Variants in STK39 observed in about 807,000 individuals in gnomAD.
STK39 encodes the protein STE20/SPS1-related proline-alanine-rich protein kinase.
In STK39, 20 loss-of-function variants were observed where a neutral mutation model predicts 77.8. That is an observed-to-expected ratio of 0.26 (90% confidence interval 0.18 to 0.37). The LOEUF is 0.37. Among genes scored for constraint, STK39 ranks in the 10% least tolerant of loss-of-function variants. STK39 has a pLI of 1.00. For synonymous variants in STK39, 246 were observed against 234.1 expected, an observed-to-expected ratio of 1.05 and a Z score of -0.47; for missense variants, 479 against 656.5, an observed-to-expected ratio of 0.73 and a Z score of 2.95.
intron 10 of STK39, among the ~76,000 whole-genome samples, chr2:168,086,894 AT>A (rs1686381898): frequency 6.6e-6 from 1 of 152,224 alleles, no homozygotes; most frequent in African/African-American, 2.4e-5. Context: ...CATCAGTCCT[AT>A]CAAACCTCCA....
chr2:167,965,081 C>T (rs1465517545), intron 16 of STK39, among the ~76,000 whole-genome samples: 2 of 151,290 alleles, frequency 1.3e-5, no homozygotes, highest in African/African-American at 4.9e-5. Context: ...AATTTATTAG[C>T]CAGGAGAGGG....
intron 2 of STK39, among the ~76,000 whole-genome samples, chr2:168,167,652 C>A (rs1234318405): frequency 6.6e-6 from 1 of 152,222 alleles, no homozygotes; most frequent in African/African-American, 2.4e-5. Context: ...GACACAGGAA[C>A]TTCAGATCAC....
chr2:168,003,488 A>G (rs1377693989), intron 16 of STK39, among the ~76,000 whole-genome samples: 1 of 151,600 alleles, frequency 6.6e-6, no homozygotes, highest in South Asian at 2.1e-4. Context: ...TTTTTTTTAA[A>G]GAAAGAAAAG....
At chr2:168,133,408 G>A (rs73019446) in intron 8 of STK39, among the ~76,000 whole-genome samples, 2,272 of 152,284 alleles carry the variant, frequency 0.015, 47 homozygotes, top group African/African-American at 0.052. Context: ...TAATTGTTAA[G>A]TAATAGGTAA....
chr2:168,114,440 C>G (rs1252166888), intron 10 of STK39, among the ~76,000 whole-genome samples: 2 of 152,166 alleles, frequency 1.3e-5, no homozygotes, highest in Non-Finnish European at 2.9e-5. Flanking sequence ...TTTAGAATCT[C>G]TGTTATAATC....
chr2:168,095,540 A>G (rs1283590984), intron 10 of STK39, among the ~76,000 whole-genome samples: 5 of 151,808 alleles, frequency 3.3e-5, no homozygotes, highest in African/African-American at 1.2e-4. Flanking sequence ...ATTGAAGGGG[A>G]AAAAAAGGAA....
chr2:168,118,602 CAAAAAAA>C (rs35533319), intron 10 of STK39, among the ~76,000 whole-genome samples: 1 of 119,348 alleles, frequency 8.4e-6, no homozygotes, highest in Non-Finnish European at 1.7e-5. Flanking sequence ...CATATGCTTT[CAAAAAAA>C]AAAAAAAAAA....
chr2:168,058,723 C>T (rs994634960), intron 14 of STK39, among the ~76,000 whole-genome samples: 1 of 152,168 alleles, frequency 6.6e-6, no homozygotes, highest in Admixed American at 6.5e-5. Context: ...ATCTGGAATC[C>T]AATAATTGCT....
chr2:168,137,799 T>G lies in STK39; in HGVS notation c.974+289A>C, dbSNP rs561710823. 5.4e-4 allele frequency among the ~76,000 whole-genome samples: 82 copies of G among 152,312 alleles called. 1 individual carries two copies. Among genetic ancestry groups the G allele is most frequent in the Non-Finnish European group, 9.6e-4 (65 of 68,026 alleles). ...TGCAGCACTGCCAATTTCTTTTGAT[T>G]TCTGTTTTACTTCATTTCCTTTGAT... On this transcript the variant is annotated intron_variant, in intron 8 of 17. Transcript: ENST00000355999.
intron 10 of STK39, among the ~76,000 whole-genome samples, chr2:168,091,985 C>T (rs1686538400): frequency 6.6e-6 from 1 of 152,138 alleles, no homozygotes; most frequent in Non-Finnish European, 1.5e-5. Context: ...CAATTTTGTC[C>T]TACTGTCTCA....
intron 14 of STK39, among the ~76,000 whole-genome samples, chr2:168,035,237 A>G (rs1449958685): frequency 6.6e-6 from 1 of 152,214 alleles, no homozygotes; most frequent in Non-Finnish European, 1.5e-5. Context: ...CTTGGGACAT[A>G]AAAGATGATT....
intron 10 of STK39, among the ~76,000 whole-genome samples, chr2:168,093,309 G>A (rs2105437510): frequency 6.6e-6 from 1 of 152,328 alleles, no homozygotes; most frequent in Non-Finnish European, 1.5e-5. Flanking sequence ...AGAAAAAGAG[G>A]TTTAATGGAC....
intron 5 of STK39, among the ~76,000 whole-genome samples, chr2:168,156,725 G>A (rs1688438608): frequency 6.6e-6 from 1 of 152,216 alleles, no homozygotes; most frequent in Non-Finnish European, 1.5e-5. Flanking sequence ...TGGTTACACA[G>A]CTAGAAGGAG....
chr2:168,135,375 C>T (rs1236021506), intron 8 of STK39, among the ~76,000 whole-genome samples: 2 of 152,134 alleles, frequency 1.3e-5, no homozygotes, highest in East Asian at 3.9e-4. Context: ...ATCCTCACAG[C>T]GATCCTATGA....
chr2:168,098,337 A>C (rs1370282457), intron 10 of STK39, among the ~76,000 whole-genome samples: 1 of 152,180 alleles, frequency 6.6e-6, no homozygotes, highest in Non-Finnish European at 1.5e-5. Flanking sequence ...TTCCCTCTAA[A>C]GGAAGATGAG....
At chr2:168,079,350 T>A (rs1194305477) in intron 10 of STK39, among the ~76,000 whole-genome samples, 2 of 152,104 alleles carry the variant, frequency 1.3e-5, no homozygotes. Context: ...TGACTCTAGA[T>A]GCTACACTTA....
intron 14 of STK39, among the ~76,000 whole-genome samples, chr2:168,029,945 A>C (rs920550936): frequency 6.6e-6 from 1 of 152,148 alleles, no homozygotes; most frequent in African/African-American, 2.4e-5. Context: ...ACTCAGCTAA[A>C]TCTCCCAATT....
chr2:168,034,755 T>G (rs1204781242), intron 14 of STK39, among the ~76,000 whole-genome samples: 1 of 152,210 alleles, frequency 6.6e-6, no homozygotes, highest in African/African-American at 2.4e-5. Flanking sequence ...ATTATGAAGA[T>G]GGCCCTGCCA....
chr2:167,983,354 C>T (rs1379244127), intron 16 of STK39, among the ~76,000 whole-genome samples: 2 of 150,934 alleles, frequency 1.3e-5, no homozygotes, highest in Non-Finnish European at 2.9e-5. Context: ...TGTCACATGC[C>T]TGTAATGCCA....
Sources: gnomAD v4.1 joint callset for allele counts (sites outside exome capture counted in the v4.1 genomes callset) on GRCh38, gnomAD v4.1.1 for gene constraint, MANE v1.5 for transcripts, NCBI Gene and HGNC (gene_info 2026-07-23, HGNC 2026-07-21) for gene names.